Variants in ANK2 observed in about 807,000 individuals in gnomAD.
ANK2 encodes the protein ankyrin-2.
Under a neutral mutation model 360.5 loss-of-function variants are expected in ANK2, and 83 were observed. That is an observed-to-expected ratio of 0.23 (90% CI 0.19 to 0.28). The LOEUF (loss-of-function observed/expected upper bound fraction) is 0.28. Among genes scored for constraint, ANK2 ranks in the 10% least tolerant of loss-of-function variants. The pLI is 1.00. For missense variants in ANK2, 4,201 were observed against 4,795.7 expected, an observed-to-expected ratio of 0.88 and a Z score of 3.66; for synonymous variants, 1,740 against 1,759.5, an observed-to-expected ratio of 0.99 and a Z score of 0.28.
intron 1 of ANK2, among the ~76,000 whole-genome samples, chr4:113,115,173 C>T (rs2094639613): frequency 6.6e-6 from 1 of 152,104 alleles, no homozygotes; most frequent in Non-Finnish European, 1.5e-5. Flanking sequence ...GACGGTGACT[C>T]CCCTGGCCAA....
intron 2 of ANK2, among the ~76,000 whole-genome samples, chr4:113,020,513 A>G (rs1018946959): frequency 1.3e-5 from 2 of 151,906 alleles, no homozygotes; most frequent in Admixed American, 1.3e-4. Flanking sequence ...TCTTAACGAT[A>G]ATTTGTTTTT....
rs2153573743 is a variant in ANK2, at chr4:113,242,170, C to T, written c.852C>T (p.Leu284=). ...GAGGAAATACAAACATGGTGAAGCT[C>T]TTACTGGATCGAGGCGGTCAGATCG... is the stretch of plus-strand genomic sequence containing the variant. ...SKRGNTNMVK[L]LLDRGGQIDA... The change falls in exon 9 of 46, where the codon CTC becomes CTT. Residue 284 remains leucine (L), a synonymous_variant. Transcript: ENST00000357077. 6.2e-7 allele frequency: 1 copy of T among 1,614,016 alleles called. No homozygotes were observed. Among genetic ancestry groups the T allele is most frequent in the Non-Finnish European group, 8.5e-7 (1 of 1,179,948 alleles).
rs553116512 is a variant in ANK2, at chr4:113,293,529, C to G, written c.2466C>G (p.Thr822=). 1.4e-5 allele frequency: 22 copies of G among 1,612,888 alleles called. No individual in the cohort carries two copies. The African/African-American group carries it at 1.7e-4, about 13-fold the overall frequency. Reference sequence around the variant, plus strand: ...AGGTTGTGACTGAGGAGGTCACCACCACCACCACAGTGAGTATGAGTGACT... The same window carrying G: ...AGGTTGTGACTGAGGAGGTCACCACGACCACCACAGTGAGTATGAGTGACT... The part of the protein sequence containing the change: ...TLKVVTEEVT[T]TTTTITEKHK... Residue 822 remains threonine (T), a synonymous_variant, in exon 22 of 46, where the codon ACC becomes ACG. Transcript: ENST00000357077.
At chr4:113,198,131 T>G (rs1414879297) in intron 3 of ANK2, among the ~76,000 whole-genome samples, 3 of 152,260 alleles carry the variant, frequency 2.0e-5, no homozygotes, top group Non-Finnish European at 4.4e-5. Flanking sequence ...ATTTTTGTTT[T>G]TCTTTTCTTC....
chr4:113,330,526 A>C, intron 27 of ANK2, 56 bp downstream of exon 27: 1 of 1,551,752 alleles, frequency 6.4e-7, no homozygotes, highest in Non-Finnish European at 8.9e-7. Context: ...TGTCCTCTAC[A>C]TGAAATCACT....
intron 45 of ANK2, among the ~76,000 whole-genome samples, chr4:113,374,084 T>C (rs564845446): frequency 6.6e-6 from 1 of 152,066 alleles, no homozygotes; most frequent in Non-Finnish European, 1.5e-5. Flanking sequence ...CCACCACACC[T>C]GGCTAATTTT....
chr4:112,942,528 T>TA (rs2094302399), intron 2 of ANK2, among the ~76,000 whole-genome samples: 1 of 152,074 alleles, frequency 6.6e-6, no homozygotes, highest in African/African-American at 2.4e-5. Context: ...TGAACCCAGG[T>TA]AGTCTTACTA....
chr4:112,990,733 A>G (rs960643104), intron 2 of ANK2, among the ~76,000 whole-genome samples: 2 of 152,204 alleles, frequency 1.3e-5, no homozygotes, highest in Non-Finnish European at 2.9e-5. Flanking sequence ...ATATGCTCAG[A>G]GCACCAGGAT....
chr4:112,996,495 G>C (rs2154281759), intron 2 of ANK2, among the ~76,000 whole-genome samples: 1 of 152,218 alleles, frequency 6.6e-6, no homozygotes, highest in East Asian at 1.9e-4. Flanking sequence ...CTTATAGAAT[G>C]TAATAGGAAC....
the ANK2 span, among the ~76,000 whole-genome samples, chr4:112,784,623 G>A: frequency 6.6e-6 from 1 of 151,964 alleles, no homozygotes; most frequent in African/African-American, 2.4e-5. Flanking sequence ...GATTACAAGC[G>A]TGAGCCACCC....
intron 14 of ANK2, among the ~76,000 whole-genome samples, chr4:113,273,320 T>C (rs1383462995): frequency 6.6e-6 from 1 of 152,244 alleles, no homozygotes; most frequent in African/African-American, 2.4e-5. Context: ...ATGGGTCACA[T>C]ATGCATTGTA....
chr4:112,914,865 T>C, intron 2 of ANK2, among the ~76,000 whole-genome samples: 1 of 152,110 alleles, frequency 6.6e-6, no homozygotes, highest in East Asian at 1.9e-4. Context: ...ATAATGTTTG[T>C]CTGTTGGGGG....
chr4:113,340,270 G>A (rs535215380), intron 32 of ANK2, among the ~76,000 whole-genome samples: 2 of 152,326 alleles, frequency 1.3e-5, no homozygotes, highest in South Asian at 2.1e-4. Context: ...GAGGTGACTC[G>A]AGACATGTGT....
intron 2 of ANK2, among the ~76,000 whole-genome samples, chr4:113,191,618 A>C (rs922145982): frequency 6.6e-6 from 1 of 152,352 alleles, no homozygotes. Context: ...GAACATTGGC[A>C]GGGCTGTGGA....
chr4:113,132,662 T>A lies in ANK2; in HGVS notation c.85-41754T>A, dbSNP rs935305455. Among the ~76,000 whole-genome samples the A allele has an allele frequency of 3.3e-5, 5 of 152,056 alleles. No homozygotes were observed. The South Asian group carries it at 6.2e-4, about 19-fold the overall frequency. ...CTGTGGGTGGGGTGAAGAGAACTGA[T>A]CTAGAGTAGATCATACTGGGTCCTA... On this transcript the variant is annotated intron_variant, in intron 1 of 45. Coordinates refer to ENST00000357077, the MANE Select transcript of ANK2 (RefSeq NM_001148.6).
the ANK2 span, among the ~76,000 whole-genome samples, chr4:112,711,315 G>A: frequency 3.3e-5 from 5 of 152,054 alleles, no homozygotes; most frequent in Non-Finnish European, 5.9e-5. Context: ...CTGGGCTCAG[G>A]AATTTGCGAC....
intron 2 of ANK2, among the ~76,000 whole-genome samples, chr4:113,014,738 T>A (rs73840994): frequency 6.6e-6 from 1 of 151,666 alleles, no homozygotes; most frequent in Admixed American, 6.6e-5. Flanking sequence ...AAAGTGTATA[T>A]AAAGCATTTA....
intron 1 of ANK2, among the ~76,000 whole-genome samples, chr4:112,835,746 GAGTA>G (rs1375071196): frequency 6.6e-6 from 1 of 152,164 alleles, no homozygotes; most frequent in African/African-American, 2.4e-5. Context: ...TCCTAGCATA[GAGTA>G]AGTGCTCATT....
chr4:112,986,071 C>CATAT (rs141770018), intron 2 of ANK2, among the ~76,000 whole-genome samples: 1 of 101,586 alleles, frequency 9.8e-6, no homozygotes, highest in African/African-American at 3.5e-5. Flanking sequence ...AATTATGATC[C>CATAT]ATATATATAT....
Sources: allele counts gnomAD v4.1 joint callset (sites outside exome capture counted in the v4.1 genomes callset), GRCh38; gene constraint gnomAD v4.1.1; transcripts MANE v1.5; gene names NCBI Gene and HGNC (gene_info 2026-07-23, HGNC 2026-07-21).